Variants in ACER2 observed in about 807,000 individuals in gnomAD.
ACER2 encodes alkCDase 2.
ACER2 carries 26 observed loss-of-function variants against 34.7 expected under a neutral mutation model. That is an observed-to-expected ratio of 0.75 (90% CI 0.55 to 1.04). ACER2 has a LOEUF of 1.04. Among genes scored for constraint, ACER2 ranks in the 50% least tolerant of loss-of-function variants. The probability of loss-of-function intolerance (pLI) is 0.00; values close to 1 mark genes in which losing one functional copy is unlikely to be tolerated. For missense variants in ACER2, 352 were observed against 340.8 expected (o/e 1.03, Z -0.26); for synonymous variants, 138 against 132.1 (o/e 1.04, Z -0.31).
chr9:19,409,346 C>G (rs1830015811), intron 1 of ACER2, among the ~76,000 whole-genome samples, 154 bp downstream of exon 1: 1 of 152,202 alleles, frequency 6.6e-6, no homozygotes, highest in Admixed American at 6.5e-5. Flanking sequence ...TCGGCGCGCT[C>G]CTTTCAGTTC....
intron 5 of ACER2, chr9:19,446,661 T>C (rs1381130379): frequency 1.0e-6 from 1 of 981,862 alleles, no homozygotes; most frequent in Non-Finnish European, 1.2e-6. Context: ...GTCTGCAGTC[T>C]TTTACCTCTA....
At chr9:19,417,233 C>G (rs540063866) in intron 1 of ACER2, among the ~76,000 whole-genome samples, 1 of 152,300 alleles carries the variant, frequency 6.6e-6, no homozygotes, top group South Asian at 2.1e-4. Flanking sequence ...AGGACACAAA[C>G]AAATGGAAGA....
intron 1 of ACER2, among the ~76,000 whole-genome samples, chr9:19,415,756 G>T (rs947351023): frequency 1.2e-4 from 18 of 152,120 alleles, no homozygotes; most frequent in Admixed American, 1.1e-3. Context: ...AGGCACTAAA[G>T]ATCTTCTGGG....
At chr9:19,437,145 C>T (rs1046517665) in intron 4 of ACER2, among the ~76,000 whole-genome samples, 7 of 152,216 alleles carry the variant, frequency 4.6e-5, no homozygotes, top group African/African-American at 9.7e-5. Context: ...AGTCCATCCT[C>T]GTCTCTTTCC....
chr9:19,438,021 C>G (rs1461371045), intron 4 of ACER2, among the ~76,000 whole-genome samples: 2 of 152,182 alleles, frequency 1.3e-5, no homozygotes, highest in Non-Finnish European at 2.9e-5. Context: ...AGGTCTGTAT[C>G]TTGCTAATGA....
intron 1 of ACER2, chr9:19,409,851 AG>A (rs1269899491): frequency 9.4e-5 from 93 of 985,276 alleles, no homozygotes; most frequent in Non-Finnish European, 1.0e-4. Context: ...GAGGGATGAA[AG>A]GAAAGTTTGG....
intron 3 of ACER2, among the ~76,000 whole-genome samples, chr9:19,433,536 AG>A (rs199741684): frequency 0.012 from 1,849 of 152,272 alleles, 40 homozygotes; most frequent in African/African-American, 0.038. Context: ...CAAAATGAAA[AG>A]TCTCCCATGT....
intron 3 of ACER2, 51 bp from the exon 4 acceptor site, chr9:19,434,896 C>CAA: frequency 6.2e-7 from 1 of 1,604,932 alleles, no homozygotes; most frequent in East Asian, 2.2e-5. Context: ...AACAAACAAA[C>CAA]AAACAAGAAC....
At chr9:19,420,794 C>T (rs1360208747) in intron 1 of ACER2, among the ~76,000 whole-genome samples, 1 of 152,066 alleles carries the variant, frequency 6.6e-6, no homozygotes, top group Non-Finnish European at 1.5e-5. Context: ...GCAAGGGCTC[C>T]CTGCTTCAAA....
At chr9:19,434,799 C>G in intron 3 of ACER2, 148 bp from the exon 4 acceptor site, 1 of 980,956 alleles carries the variant, frequency 1.0e-6, no homozygotes, top group Non-Finnish European at 1.5e-6. Flanking sequence ...GCTCTGTCGC[C>G]GTGAGTGGCT....
chr9:19,409,892 C>T, intron 1 of ACER2: 1 of 985,366 alleles, frequency 1.0e-6, no homozygotes, highest in Non-Finnish European at 1.2e-6. Flanking sequence ...TTGGATTTGC[C>T]TAGGTCCCTA....
chr9:19,411,312 A>T (rs923531934), intron 1 of ACER2, among the ~76,000 whole-genome samples: 1 of 152,238 alleles, frequency 6.6e-6, no homozygotes, highest in Non-Finnish European at 1.5e-5. Flanking sequence ...GTGTCAGAGA[A>T]TAAGGTCATT....
intron 1 of ACER2, among the ~76,000 whole-genome samples, chr9:19,417,365 A>G (rs1830269413): frequency 6.6e-6 from 1 of 152,220 alleles, no homozygotes; most frequent in African/African-American, 2.4e-5. Flanking sequence ...ACAGAATTAG[A>G]AACAACTACT....
chr9:19,409,296 G>A lies in ACER2; in HGVS notation c.108+104G>A, dbSNP rs529654370. 4 of 1,144,482 alleles carry A rather than the reference G, an allele frequency of 3.5e-6. No homozygotes were observed. The South Asian group carries it at 4.1e-5, about 12-fold the overall frequency. The allele number at this position is 1,144,482 out of a possible 1,614,324, so 70.9% of individuals were successfully genotyped here. A position where few individuals can be genotyped will look rare whatever the true frequency, so the allele number is the denominator to read the frequency against. On this transcript the variant is annotated intron_variant, in intron 1 of 5. Transcript: ENST00000340967. ...ACGTGGGTCTCTGCGCGCATCTGGG[G>A]GCATTCTCTCCAGGGGCTGAGTCAG...
At chr9:19,414,878 G>T (rs897592962) in intron 1 of ACER2, among the ~76,000 whole-genome samples, 2 of 151,560 alleles carry the variant, frequency 1.3e-5, no homozygotes, top group African/African-American at 4.8e-5. Context: ...GCCCTTGAGT[G>T]CACTATTCTA....
chr9:19,417,024 C>A (rs980896287), intron 1 of ACER2, among the ~76,000 whole-genome samples: 18 of 152,166 alleles, frequency 1.2e-4, no homozygotes, highest in Non-Finnish European at 1.3e-4. Context: ...GCATCTCCAG[C>A]AAAGTCTCAG....
intron 1 of ACER2, chr9:19,409,640 C>T: frequency 3.1e-6 from 2 of 643,852 alleles, no homozygotes; most frequent in South Asian, 1.4e-4. Context: ...GAGCACGCCC[C>T]CCGCAGGTCC....
At chr9:19,433,026 T>A (rs745778450) in intron 3 of ACER2, among the ~76,000 whole-genome samples, 1 of 152,026 alleles carries the variant, frequency 6.6e-6, no homozygotes, top group Non-Finnish European at 1.5e-5. Flanking sequence ...ATATCTCACC[T>A]TCAGTGAAGT....
chr9:19,429,296 G>C (rs998634708), intron 3 of ACER2, among the ~76,000 whole-genome samples: 1 of 152,110 alleles, frequency 6.6e-6, no homozygotes, highest in African/African-American at 2.4e-5. Context: ...AAAAAAATGA[G>C]AACAAGGAAC....
Sources: allele counts gnomAD v4.1 joint callset (sites outside exome capture counted in the v4.1 genomes callset), GRCh38; gene constraint gnomAD v4.1.1; transcripts MANE v1.5; gene names NCBI Gene and HGNC (gene_info 2026-07-23, HGNC 2026-07-21).